The following NRG3 variants were observed in gnomAD, a reference collection of about 807,000 sequenced individuals.
NRG3 encodes the protein pro-neuregulin-3, membrane-bound isoform.
Under a neutral mutation model 66.9 loss-of-function variants are expected in NRG3, and 31 were observed. The ratio of observed to expected loss-of-function variants is 0.46; its 90% CI spans 0.35 to 0.63. The LOEUF is 0.63. NRG3 is among the 20% of genes least tolerant of loss of function. The pLI is 0.00. For synonymous variants in NRG3, 393 were observed against 359.4 expected (o/e 1.09, Z -1.06); for missense variants, 910 against 878.9 (o/e 1.04, Z -0.45).
intron 2 of NRG3, among the ~76,000 whole-genome samples, chr10:82,493,106 T>A (rs1442155400): frequency 6.6e-6 from 1 of 151,758 alleles, no homozygotes; most frequent in Non-Finnish European, 1.5e-5. Context: ...ATGTTCAGGT[T>A]TGTTTTTTTT....
chr10:81,881,277 C>T (rs1399447618), intron 1 of NRG3, among the ~76,000 whole-genome samples: 1 of 150,724 alleles, frequency 6.6e-6, no homozygotes, highest in South Asian at 2.1e-4. Context: ...ATATGCTTAA[C>T]GTCTTGCTTC....
chr10:82,199,961 C>T (rs955099604), intron 1 of NRG3, among the ~76,000 whole-genome samples: 13 of 151,652 alleles, frequency 8.6e-5, no homozygotes, highest in African/African-American at 2.9e-4. Flanking sequence ...TATCAGAGCA[C>T]TTAGGACATC....
chr10:82,816,420 A>G (rs996847447), intron 3 of NRG3, among the ~76,000 whole-genome samples: 3 of 152,152 alleles, frequency 2.0e-5, no homozygotes, highest in Admixed American at 1.3e-4. Flanking sequence ...GAGGAGACCC[A>G]AAGTGGGTAG....
intron 1 of NRG3, among the ~76,000 whole-genome samples, chr10:82,025,885 C>A (rs1468697506): frequency 4.0e-5 from 6 of 151,558 alleles, no homozygotes; most frequent in African/African-American, 1.5e-4. Flanking sequence ...TATATAGCAC[C>A]CTTGAAAACT....
intron 1 of NRG3, among the ~76,000 whole-genome samples, chr10:82,151,026 A>G (rs1032739894): frequency 1.9e-4 from 29 of 152,236 alleles, no homozygotes; most frequent in Admixed American, 1.6e-3. Context: ...AGGATTTTCA[A>G]TCTCCTTGTG....
intron 2 of NRG3, among the ~76,000 whole-genome samples, chr10:82,625,312 G>C (rs539288217): frequency 6.6e-6 from 1 of 151,536 alleles, no homozygotes; most frequent in African/African-American, 2.4e-5. Context: ...AAAAAAAAAT[G>C]ATCACAAATC....
intron 2 of NRG3, among the ~76,000 whole-genome samples, chr10:82,376,902 TG>T (rs1480568376): frequency 6.6e-6 from 1 of 152,242 alleles, no homozygotes; most frequent in Non-Finnish European, 1.5e-5. Context: ...TGTACATGGA[TG>T]AAGTACTTAT....
rs528073346 is a variant in NRG3, at chr10:82,656,560, C to T, written c.954-82017C>T. Among the ~76,000 whole-genome samples, 86 of 152,106 alleles carry T rather than the reference C, an allele frequency of 5.7e-4. 1 individual carries two copies. The South Asian group carries it at 0.017, about 31-fold the overall frequency. ...CTAAAGAACCACTCCTGTTTTTCCC[C>T]TTCCCAAATCTTTAGTTCTCTAGCC... On this transcript the variant is annotated intron_variant, in intron 2 of 8. Transcript: ENST00000372141.
chr10:82,930,053 G>A (rs535389707), intron 4 of NRG3, among the ~76,000 whole-genome samples: 78 of 152,242 alleles, frequency 5.1e-4, no homozygotes, highest in African/African-American at 1.4e-3. Context: ...GAGCTTCCCT[G>A]TGGCTTTAGA....
chr10:82,531,957 T>G (rs997324433), intron 2 of NRG3, among the ~76,000 whole-genome samples: 1 of 151,858 alleles, frequency 6.6e-6, no homozygotes, highest in South Asian at 2.1e-4. Context: ...TCCTAGCCCC[T>G]GGAAACCACT....
At chr10:82,843,674 T>A (rs1447737019) in intron 3 of NRG3, among the ~76,000 whole-genome samples, 1 of 152,174 alleles carries the variant, frequency 6.6e-6, no homozygotes, top group Non-Finnish European at 1.5e-5. Context: ...AGCTATCTAC[T>A]GTTTAAAAGA....
intron 1 of NRG3, among the ~76,000 whole-genome samples, chr10:81,982,400 C>T (rs1401852967): frequency 6.6e-6 from 1 of 152,184 alleles, no homozygotes; most frequent in Non-Finnish European, 1.5e-5. Flanking sequence ...CTAATCTGTG[C>T]CTCAAACCTC....
chr10:82,301,285 C>A (rs1333133886), intron 1 of NRG3, among the ~76,000 whole-genome samples: 1 of 152,092 alleles, frequency 6.6e-6, no homozygotes, highest in Non-Finnish European at 1.5e-5. Context: ...ATTATGCATT[C>A]CTGCATTCTT....
chr10:82,619,558 C>G (rs1231990728), intron 2 of NRG3, among the ~76,000 whole-genome samples: 4 of 152,164 alleles, frequency 2.6e-5, no homozygotes, highest in Non-Finnish European at 5.9e-5. Context: ...CCTGAGATCA[C>G]TCACCTTTTC....
At chr10:82,760,047 A>C (rs915791525) in intron 3 of NRG3, among the ~76,000 whole-genome samples, 7 of 152,128 alleles carry the variant, frequency 4.6e-5, no homozygotes, top group Non-Finnish European at 1.0e-4. Context: ...ATTTTATCAG[A>C]GGATTAGGGT....
intron 2 of NRG3, among the ~76,000 whole-genome samples, chr10:82,477,885 A>C (rs1332112480): frequency 6.6e-6 from 1 of 152,172 alleles, no homozygotes; most frequent in African/African-American, 2.4e-5. Context: ...ACTCCGGGAG[A>C]GTCTGCAATG....
intron 3 of NRG3, among the ~76,000 whole-genome samples, chr10:82,817,617 A>G (rs1181209329): frequency 6.6e-6 from 1 of 152,204 alleles, no homozygotes; most frequent in Non-Finnish European, 1.5e-5. Flanking sequence ...ATGAAGGTGT[A>G]TGCCCCAAAA....
chr10:81,997,601 C>T (rs534958361), intron 1 of NRG3, among the ~76,000 whole-genome samples: 82 of 152,076 alleles, frequency 5.4e-4, no homozygotes, highest in African/African-American at 1.8e-3. Context: ...CCTAATATCT[C>T]GGAGGCTCCG....
chr10:82,949,254 T>C (rs539455509), intron 4 of NRG3, among the ~76,000 whole-genome samples: 1 of 152,266 alleles, frequency 6.6e-6, no homozygotes, highest in East Asian at 1.9e-4. Flanking sequence ...TGCACTATAC[T>C]TTTTATATAT....
Sources: gnomAD v4.1 joint callset for allele counts (sites outside exome capture counted in the v4.1 genomes callset) on GRCh38, gnomAD v4.1.1 for gene constraint, MANE v1.5 for transcripts, NCBI Gene and HGNC (gene_info 2026-07-23, HGNC 2026-07-21) for gene names.